The following FAM8A1 variants were observed in gnomAD, a reference collection of about 807,000 sequenced individuals.
The protein encoded by FAM8A1 is family with sequence similarity 8 member A1, also known as protein FAM8A1.
Under a neutral mutation model 38.3 loss-of-function variants are expected in FAM8A1, and 18 were observed. The ratio of observed to expected loss-of-function variants is 0.47; its 90% CI spans 0.33 to 0.70. The LOEUF (loss-of-function observed/expected upper bound fraction) is 0.70, where lower values mean the gene tolerates loss of function less well. Among genes scored for constraint, FAM8A1 ranks in the 30% least tolerant of loss-of-function variants. FAM8A1 has a pLI of 0.03. For missense variants in FAM8A1, 559 were observed against 559.6 expected (o/e 1.00, Z 0.01); for synonymous variants, 246 against 234.4 (o/e 1.05, Z -0.45).
rs1764100014 is a variant in FAM8A1, at chr6:17,609,141, G to C, written c.*802G>C. The C allele has an allele frequency of 6.6e-6, 1 of 151,898 alleles. No homozygotes were observed. The allele number at this position is 151,898 out of a possible 1,614,324, so 9.4% of individuals were successfully genotyped here. ...TATAATTTATGTGCAAGTGTTTTCA[G>C]TGCCCTGAATCAAACTATAAATGTG... On this transcript the variant is annotated 3_prime_UTR_variant, in exon 5 of 5. Coordinates refer to ENST00000259963, the MANE Select transcript of FAM8A1 (RefSeq NM_016255.3).
intron 2 of FAM8A1, among the ~76,000 whole-genome samples, chr6:17,602,981 T>A (rs1235317579): frequency 6.6e-6 from 1 of 152,378 alleles, no homozygotes; most frequent in South Asian, 2.1e-4. Flanking sequence ...TGCTTTGATT[T>A]TATTCACCTA....
chr6:17,608,064 T>G, intron 4 of FAM8A1, 131 bp from the exon 5 acceptor site: 7 of 984,310 alleles, frequency 7.1e-6, no homozygotes, highest in Non-Finnish European at 1.0e-5. Flanking sequence ...CTTGAATGTC[T>G]TTTTCCCTGT....
intron 1 of FAM8A1, 22 bp from the exon 2 acceptor site, chr6:17,602,566 CTT>C (rs370164054): frequency 3.0e-3 from 4,000 of 1,330,372 alleles, no homozygotes; most frequent in Admixed American, 5.6e-3. Context: ...TTTTTCCTAA[CTT>C]TTTTTTTTTT....
At chr6:17,606,851 C>G (rs192277715) in intron 4 of FAM8A1, among the ~76,000 whole-genome samples, 17 of 152,266 alleles carry the variant, frequency 1.1e-4, no homozygotes, top group African/African-American at 4.1e-4. Flanking sequence ...TTGAGCCAAA[C>G]AAGGTATTGG....
chr6:17,606,777 T>G (rs1336244788), intron 4 of FAM8A1, among the ~76,000 whole-genome samples: 1 of 152,110 alleles, frequency 6.6e-6, no homozygotes, highest in East Asian at 1.9e-4. Context: ...TGTTGGCATC[T>G]AGCGCTGGGG....
rs1202092151 is a variant in FAM8A1 at position 17,609,661 on chromosome 6, CT to C, written c.*1323del. On this transcript the variant is annotated 3_prime_UTR_variant, in exon 5 of 5. Transcript: ENST00000259963. ...TTAGCTGTGCTGAGATATACCTGTACTATTTATGGTTTAAGTTTTGATTCTT... is the reference window on the plus strand; with the variant it reads ...TTAGCTGTGCTGAGATATACCTGTACATTTATGGTTTAAGTTTTGATTCTT... The C allele has an allele frequency of 6.6e-6, 1 of 152,060 alleles. No individual in the cohort carries two copies. Among genetic ancestry groups the C allele is most frequent in the Non-Finnish European group, 1.5e-5 (1 of 68,012 alleles). The allele number at this position is 152,060 out of a possible 1,614,324, so 9.4% of individuals were successfully genotyped here.
chr6:17,605,860 C>A lies in FAM8A1; in HGVS notation c.958-14C>A. 1.4e-6 allele frequency: 2 copies of A among 1,479,194 alleles called. No homozygotes were observed. The highest frequency in any genetic ancestry group is 1.8e-6 in the Non-Finnish European group (2 of 1,103,692). The allele number at this position is 1,479,194 out of a possible 1,614,324, so 91.6% of individuals were successfully genotyped here. On this transcript the variant is annotated splice_polypyrimidine_tract_variant and intron_variant, in intron 3 of 4. Coordinates refer to ENST00000259963, the MANE Select transcript of FAM8A1 (RefSeq NM_016255.3). ...GTTGAGCCAGTAATTTTTAAATCAT[C>A]CTTCTTTCCTTAGATAATTTGCATT...
At position 17,610,640 on chromosome 6, in the gene FAM8A1, TTTA is replaced by T. The variant is rs1764128126; in HGVS notation, c.*2306_*2308del. 6.6e-6 allele frequency: 1 copy of T among 152,154 alleles called. No individual in the cohort carries two copies. Among genetic ancestry groups the T allele is most frequent in the Non-Finnish European group, 1.5e-5 (1 of 67,992 alleles). The allele number at this position is 152,154 out of a possible 1,614,324, so 9.4% of individuals were successfully genotyped here. A position where few individuals can be genotyped will look rare whatever the true frequency, so the allele number is the denominator to read the frequency against. On this transcript the variant is annotated 3_prime_UTR_variant, in exon 5 of 5. Coordinates refer to ENST00000259963, the MANE Select transcript of FAM8A1 (RefSeq NM_016255.3). ...GGTAGTCTCCTGCTTTCCAGAACAC[TTTA>T]TTATATTTCACTTATAGACCTGATT...
chr6:17,606,092 A>G (rs1488596535), intron 4 of FAM8A1, 79 bp downstream of exon 4: 9 of 1,061,550 alleles, frequency 8.5e-6, no homozygotes, highest in Non-Finnish European at 1.2e-5. Context: ...TTTTTTCTTC[A>G]TAGTAGATAG....
chr6:17,601,497 A>G (rs2113744251), intron 1 of FAM8A1, among the ~76,000 whole-genome samples: 1 of 152,324 alleles, frequency 6.6e-6, no homozygotes, highest in Non-Finnish European at 1.5e-5. Flanking sequence ...TAATGCTGAA[A>G]ATTATTCAGA....
intron 1 of FAM8A1, 27 bp from the exon 2 acceptor site, chr6:17,602,563 T>A (rs752316055): frequency 9.7e-6 from 14 of 1,444,302 alleles, no homozygotes; most frequent in Middle Eastern, 2.6e-4. Context: ...TCGTTTTTCC[T>A]AACTTTTTTT....
Position 17,600,569 on chromosome 6 carries a change from A to C in FAM8A1, c.160A>C (p.Thr54Pro), listed in dbSNP as rs892244773. Residue 54 changes from threonine to proline, a missense_variant, in exon 1 of 5, where the codon ACA becomes CCA. Transcript: ENST00000259963. ...CGAACCCCAGGCCCCGGGCCGGCCC[A>C]CAGCCCCGGGCCTCGCGGCTGCCGC... is the stretch of plus-strand genomic sequence containing the variant. ...QAEPQAPGRP[T>P]APGLAAAAAA... 6.7e-7 allele frequency: 1 copy of C among 1,498,522 alleles called. No homozygotes were observed. Among genetic ancestry groups the C allele is most frequent in the Non-Finnish European group, 8.9e-7 (1 of 1,128,260 alleles). 92.8% of individuals were successfully genotyped at this position (1,498,522 alleles called of 1,614,324 possible).
rs756353392 is a variant in FAM8A1 at position 17,600,796 on chromosome 6, C to T, written c.387C>T (p.Leu129=). ...TGTGGCAGTCCTACTGCGGCTACCT[C>T]ACCTGGCACAGCGGCCTGGCCGCCT... ...EWLWQSYCGY[L]TWHSGLAAFP... is the part of the protein sequence containing the mutation. The change falls in exon 1 of 5, where the codon CTC becomes CTT. Residue 129 remains leucine (L), a synonymous_variant. Coordinates refer to ENST00000259963, the MANE Select transcript of FAM8A1 (RefSeq NM_016255.3). 6 of 1,611,258 alleles carry T rather than the reference C, an allele frequency of 3.7e-6. No homozygotes were observed. Among genetic ancestry groups the T allele is most frequent in the Non-Finnish European group, 5.1e-6 (6 of 1,179,700 alleles).
At chr6:17,602,283 C>G (rs1000904351) in intron 1 of FAM8A1, among the ~76,000 whole-genome samples, 2 of 152,220 alleles carry the variant, frequency 1.3e-5, no homozygotes, top group African/African-American at 4.8e-5. Flanking sequence ...GCAATCTGCC[C>G]GCCTCGGCCT....
At chr6:17,608,142 C>A in intron 4 of FAM8A1, 53 bp from the exon 5 acceptor site, 1 of 1,581,302 alleles carries the variant, frequency 6.3e-7, no homozygotes, top group Non-Finnish European at 8.7e-7. Context: ...TACCATTAAT[C>A]TATATGTGGT....
In FAM8A1 at chr6:17,611,633, T is replaced by A. The variant is rs983000578; in HGVS notation, c.*3294T>A. On this transcript the variant is annotated 3_prime_UTR_variant, in exon 5 of 5. Transcript: ENST00000259963. Reference sequence around the variant, plus strand: ...TAAACAGTATCTGATGGCCCACCTATAAATAAAATTCAGCATTCTATTTTT... The same window carrying A: ...TAAACAGTATCTGATGGCCCACCTAAAAATAAAATTCAGCATTCTATTTTT... 1 of 152,386 alleles carries A rather than the reference T, an allele frequency of 6.6e-6. No homozygotes were observed. The highest frequency in any genetic ancestry group is 1.5e-5 in the Non-Finnish European group (1 of 68,016). 9.4% of individuals were successfully genotyped at this position (152,386 alleles called of 1,614,324 possible). A position where few individuals can be genotyped will look rare whatever the true frequency, so the allele number is the denominator to read the frequency against.
chr6:17,606,991 T>C (rs1764060207), intron 4 of FAM8A1, among the ~76,000 whole-genome samples: 1 of 152,182 alleles, frequency 6.6e-6, no homozygotes, highest in Non-Finnish European at 1.5e-5. Flanking sequence ...CCGGGCACAG[T>C]GGCTCACGCC....
Position 17,609,872 on chromosome 6 carries a change from C to T in FAM8A1, c.*1533C>T, listed in dbSNP as rs923820405. ...AAAGGTTTTTCTTTGACGTTTAAAACTGTGACAACAGATATTCACATTTGA... is the reference window on the plus strand; with the variant it reads ...AAAGGTTTTTCTTTGACGTTTAAAATTGTGACAACAGATATTCACATTTGA... On this transcript the variant is annotated 3_prime_UTR_variant, in exon 5 of 5. Transcript: ENST00000259963. 1 of 152,136 alleles carries T rather than the reference C, an allele frequency of 6.6e-6. No individual in the cohort carries two copies. The highest frequency in any genetic ancestry group is 1.5e-5 in the Non-Finnish European group (1 of 67,998). 9.4% of individuals were successfully genotyped at this position (152,136 alleles called of 1,614,324 possible). A position where few individuals can be genotyped will look rare whatever the true frequency, so the allele number is the denominator to read the frequency against.
chr6:17,600,455 G>A lies in FAM8A1; in HGVS notation c.46G>A (p.Asp16Asn), dbSNP rs1763963690. 2 of 1,488,688 alleles carry A rather than the reference G, an allele frequency of 1.3e-6. No individual in the cohort carries two copies. Among genetic ancestry groups the A allele is most frequent in the Non-Finnish European group, 1.8e-6 (2 of 1,121,226 alleles). The allele number at this position is 1,488,688 out of a possible 1,614,324, so 92.2% of individuals were successfully genotyped here. Residue 16 changes from aspartate (D) to asparagine (N), a missense_variant, in exon 1 of 5, where the codon GAC becomes AAC. Physicochemically the swap from Asp to Asn is conservative, Grantham distance 23. Coordinates refer to ENST00000259963, the MANE Select transcript of FAM8A1 (RefSeq NM_016255.3). ...EEARGHPPGQ[D>N]DGGGDHEPVP... ...AGCCCGAGGCCACCCTCCCGGGCAG[G>A]ACGATGGCGGAGGGGACCACGAGCC...
Sources: allele counts gnomAD v4.1 joint callset (sites outside exome capture counted in the v4.1 genomes callset), GRCh38; gene constraint gnomAD v4.1.1; transcripts MANE v1.5; gene names NCBI Gene and HGNC (gene_info 2026-07-23, HGNC 2026-07-21).